The following ANKRD13D variants were observed in gnomAD, a reference collection of about 807,000 sequenced individuals.
ANKRD13D encodes ankyrin repeat domain-containing protein 13D.
ANKRD13D carries 24 observed loss-of-function variants against 68.8 expected under a neutral mutation model. The ratio of observed to expected loss-of-function variants is 0.35; its 90% CI spans 0.25 to 0.49. ANKRD13D has a LOEUF of 0.49. Among genes scored for constraint, ANKRD13D ranks in the 20% least tolerant of loss-of-function variants. ANKRD13D has a pLI of 0.99. For synonymous variants in ANKRD13D, 331 were observed against 336.1 expected (o/e 0.98, Z 0.16); for missense variants, 735 against 832.1 (o/e 0.88, Z 1.44).
Position 67,301,060 on chromosome 11 carries a change from G to A in ANKRD13D, c.1144G>A (p.Asp382Asn), listed in dbSNP as rs377166589. ...GGGTGACCAGGTGACCCCCATCATC[G>A]ACCTAATGGCCATCAGCAACGCTCA... ...SLGDQVTPII[D>N]LMAISNAHFA... The change falls in exon 11 of 15, where the codon GAC becomes AAC. Residue 382 changes from aspartate (D) to asparagine (N), a missense_variant. Physicochemically the swap from Asp to Asn is conservative, Grantham distance 23. Coordinates refer to ENST00000511455, the MANE Select transcript of ANKRD13D (RefSeq NM_207354.3). The surrounding 1 kb of genome is among the most constrained non-coding windows in gnomAD (Gnocchi z 4.5). The A allele has an allele frequency of 2.0e-5, 32 of 1,613,884 alleles. No individual in the cohort carries two copies. The highest frequency in any genetic ancestry group is 1.6e-4 in the South Asian group (15 of 91,088).
intron 3 of ANKRD13D, chr11:67,290,716 G>A: frequency 2.4e-6 from 1 of 423,918 alleles, no homozygotes; most frequent in Non-Finnish European, 4.3e-6. Flanking sequence ...AGGGACTTCA[G>A]GTTGACTCGG....
rs953639883 is a variant in ANKRD13D at position 67,302,474 on chromosome 11, CTG to C, written c.*144_*145del. ...GGAGACTGAGATGGAAATAAAGAGA[CTG>C]TCGCAGCAGGGCTGCTCTGCTCACT... On this transcript the variant is annotated 3_prime_UTR_variant, in exon 15 of 15. Transcript: ENST00000511455. 11 of 1,288,864 alleles carry C rather than the reference CTG, an allele frequency of 8.5e-6. No individual in the cohort carries two copies. In the African/African-American group the frequency reaches 1.2e-4, roughly 14 times the overall value. 79.8% of individuals were successfully genotyped at this position (1,288,864 alleles called of 1,614,324 possible).
Position 67,301,884 on chromosome 11 carries a change from G to C in ANKRD13D, c.1604+61G>C. On this transcript the variant is annotated intron_variant, in intron 14 of 14. Transcript: ENST00000511455. The surrounding 1 kb of genome is among the most constrained non-coding windows in gnomAD (Gnocchi z 4.5). ...CCCCAGCCCTGGCTTGGCGGGGAGG[G>C]GGATAGCAGGAAGGTGCTAGGACCC... 6.6e-7 allele frequency: 1 copy of C among 1,506,638 alleles called. No homozygotes were observed. Among genetic ancestry groups the C allele is most frequent in the South Asian group, 1.3e-5 (1 of 79,420 alleles). 93.3% of individuals were successfully genotyped at this position (1,506,638 alleles called of 1,614,324 possible). A position where few individuals can be genotyped will look rare whatever the true frequency, so the allele number is the denominator to read the frequency against.
At chr11:67,290,882 G>C (rs867399962) in intron 3 of ANKRD13D, 5 of 178,800 alleles carry the variant, frequency 2.8e-5, no homozygotes, top group Middle Eastern at 2.7e-3. Flanking sequence ...GTAGGACTCT[G>C]AGACCCAGTG....
chr11:67,297,485 G>A (rs188070724), intron 6 of ANKRD13D, among the ~76,000 whole-genome samples: 15 of 150,684 alleles, frequency 1.0e-4, no homozygotes, highest in Admixed American at 8.6e-4. Context: ...GTGAGCCACC[G>A]GGCCTGGCCT....
chr11:67,290,236 C>A (rs956024710), intron 2 of ANKRD13D, 23 bp downstream of exon 2: 1 of 1,542,790 alleles, frequency 6.5e-7, no homozygotes, highest in South Asian at 1.2e-5. Flanking sequence ...ACAAGGGGCT[C>A]CCCCTGAGGC....
At position 67,290,077 on chromosome 11, in the gene ANKRD13D, G is replaced by A. The variant is rs1233119865; in HGVS notation, c.91-1G>A. The A allele has an allele frequency of 1.3e-6, 2 of 1,536,836 alleles. No homozygotes were observed. The highest frequency in any genetic ancestry group is 1.7e-6 in the Non-Finnish European group (2 of 1,146,682). Reference sequence around the variant, plus strand: ...CTTTGTGAGTGTCCCGTCTCCCCCAGCACGACATTGAACAGGAGGACCCCC... The same window carrying A: ...CTTTGTGAGTGTCCCGTCTCCCCCAACACGACATTGAACAGGAGGACCCCC... On this transcript the variant is annotated splice_acceptor_variant, in intron 1 of 14. Coordinates refer to ENST00000511455, the MANE Select transcript of ANKRD13D (RefSeq NM_207354.3). LOFTEE classifies it high-confidence loss of function.
chr11:67,292,023 G>T lies in ANKRD13D; in HGVS notation c.574G>T (p.Asp192Tyr). The change falls in exon 6 of 15, where the codon GAC becomes TAC. Residue 192 changes from aspartate to tyrosine, a missense_variant. Asp to Tyr is a radical substitution (Grantham distance 160, BLOSUM62 -3). Coordinates refer to ENST00000511455, the MANE Select transcript of ANKRD13D (RefSeq NM_207354.3). ...AGCCCTGGTGATGGAAGTGGACCAT[G>T]ACCGGCAGGTGGTGCATGTGGAGAC... The part of the protein sequence containing the change: ...AGALVMEVDH[D>Y]RQVVHVETLG... 6.3e-7 allele frequency: 1 copy of T among 1,592,146 alleles called. No individual in the cohort carries two copies. Among genetic ancestry groups the T allele is most frequent in the South Asian group, 1.1e-5 (1 of 90,114 alleles).
At chr11:67,294,464 A>G (rs943380429) in intron 6 of ANKRD13D, among the ~76,000 whole-genome samples, 2 of 151,754 alleles carry the variant, frequency 1.3e-5, no homozygotes, top group African/African-American at 4.8e-5. Flanking sequence ...ATTATTTTAT[A>G]GTTTTCAGAG....
rs1035263659 is a variant in ANKRD13D at position 67,291,712 on chromosome 11, G to T, written c.507G>T (p.Gln169His). 1 of 1,614,094 alleles carries T rather than the reference G, an allele frequency of 6.2e-7. No individual in the cohort carries two copies. Among genetic ancestry groups the T allele is most frequent in the African/African-American group, 1.3e-5 (1 of 75,062 alleles). ...SLLGFEHMTW[Q>H]RGRRSFIFKG... ...TGGGCTTCGAGCACATGACCTGGCA[G>T]CGGGGCCGGAGGAGCTTCATCTTCA... The change falls in exon 5 of 15, where the codon CAG becomes CAT. Residue 169 changes from glutamine (Q) to histidine (H), a missense_variant. Coordinates refer to ENST00000511455, the MANE Select transcript of ANKRD13D (RefSeq NM_207354.3).
At chr11:67,293,344 C>T (rs1245079445) in intron 6 of ANKRD13D, among the ~76,000 whole-genome samples, 1 of 152,132 alleles carries the variant, frequency 6.6e-6, no homozygotes, top group African/African-American at 2.4e-5. Context: ...GGAATCTAGC[C>T]AGCCTAGTGG....
chr11:67,289,764 C>G, intron 1 of ANKRD13D: 1 of 1,418,558 alleles, frequency 7.0e-7, no homozygotes, highest in Non-Finnish European at 9.2e-7. Flanking sequence ...CCCTGCTCGC[C>G]CGAACTCGCT....
Position 67,300,876 on chromosome 11 carries a change from C to T in ANKRD13D, c.1074-114C>T. 1 of 1,337,142 alleles carries T rather than the reference C, an allele frequency of 7.5e-7. No individual in the cohort carries two copies. Among genetic ancestry groups the T allele is most frequent in the Admixed American group, 2.2e-5 (1 of 46,072 alleles). 82.8% of individuals were successfully genotyped at this position (1,337,142 alleles called of 1,614,324 possible). On this transcript the variant is annotated intron_variant, in intron 10 of 14. Transcript: ENST00000511455. The surrounding 1 kb of genome is among the most constrained non-coding windows in gnomAD (Gnocchi z 4.3). ...GCAGCGGCATCTGAGCAGAGCAGGG[C>T]ACTCCAGGCCAGGCAGAAGGTGGGT...
chr11:67,298,966 G>T, intron 6 of ANKRD13D, 92 bp from the exon 7 acceptor site: 3 of 1,403,824 alleles, frequency 2.1e-6, no homozygotes, highest in South Asian at 2.3e-5. Context: ...TGGGCACCCC[G>T]GGCAGGCTGG....
At position 67,289,517 on chromosome 11, in the gene ANKRD13D, T is replaced by A; in HGVS notation, c.57T>A (p.His19Gln). The A allele has an allele frequency of 6.6e-7, 1 of 1,521,798 alleles. No individual in the cohort carries two copies. The highest frequency in any genetic ancestry group is 8.8e-7 in the Non-Finnish European group (1 of 1,142,064). 94.3% of individuals were successfully genotyped at this position (1,521,798 alleles called of 1,614,324 possible). A position where few individuals can be genotyped will look rare whatever the true frequency, so the allele number is the denominator to read the frequency against. Reference sequence around the variant, plus strand: ...ACCGGCTCGTCTGGGCGAACCGGCATCGCGAACTGGAGGCCGCACTGCACA... The same window carrying A: ...ACCGGCTCGTCTGGGCGAACCGGCAACGCGAACTGGAGGCCGCACTGCACA... Reference protein sequence around the residue: ...PLHRLVWANRHRELEAALHSH... With the variant: ...PLHRLVWANRQRELEAALHSH... The change falls in exon 1 of 15, where the codon CAT (histidine) becomes CAA (glutamine). Residue 19 changes from histidine (H) to glutamine (Q), a missense_variant. Transcript: ENST00000511455.
intron 6 of ANKRD13D, among the ~76,000 whole-genome samples, chr11:67,293,505 T>A (rs1359784332): frequency 2.6e-5 from 4 of 152,328 alleles, no homozygotes; most frequent in Middle Eastern, 3.4e-3. Context: ...TTTAACTTAA[T>A]TAACTTATTT....
rs767872052 is a variant in ANKRD13D at position 67,301,024 on chromosome 11, C to G, written c.1108C>G (p.Pro370Ala). 6.2e-7 allele frequency: 1 copy of G among 1,613,914 alleles called. No individual in the cohort carries two copies. Among genetic ancestry groups the G allele is most frequent in the Non-Finnish European group, 8.5e-7 (1 of 1,180,006 alleles). ...KATLWLSEEHPLSLGDQVTPI... is the reference protein window; with the variant it reads ...KATLWLSEEHALSLGDQVTPI... Reference sequence around the variant, plus strand: ...AACACTGTGGCTGAGTGAAGAGCACCCGCTCTCCCTGGGTGACCAGGTGAC... The same window carrying G: ...AACACTGTGGCTGAGTGAAGAGCACGCGCTCTCCCTGGGTGACCAGGTGAC... Residue 370 changes from proline to alanine, a missense_variant, in exon 11 of 15, where the codon CCG (proline) becomes GCG (alanine). Transcript: ENST00000511455. The surrounding 1 kb of genome is among the most constrained non-coding windows in gnomAD (Gnocchi z 4.5).
At chr11:67,290,287 C>T in intron 2 of ANKRD13D, 35 bp from the exon 3 acceptor site, 1 of 1,547,086 alleles carries the variant, frequency 6.5e-7, no homozygotes, top group South Asian at 1.2e-5. Context: ...CTGGGGTCAT[C>T]TGGAGGGCTC....
At position 67,299,932 on chromosome 11, in the gene ANKRD13D, C is replaced by T; in HGVS notation, c.942+44C>T. The T allele has an allele frequency of 1.3e-6, 2 of 1,568,408 alleles. No homozygotes were observed. The highest frequency in any genetic ancestry group is 1.7e-6 in the Non-Finnish European group (2 of 1,154,088). The stretch of plus-strand genomic sequence containing the variant: ...GAGACAGGGCTGGCGGGGGGCCGAG[C>T]CTGGGCGGGAGGGCACCCTCTGTCA... On this transcript the variant is annotated intron_variant, in intron 9 of 14. Transcript: ENST00000511455. The surrounding 1 kb of genome is among the most constrained non-coding windows in gnomAD (Gnocchi z 6.2).
Sources: gnomAD v4.1 joint callset for allele counts (sites outside exome capture counted in the v4.1 genomes callset) on GRCh38, gnomAD v4.1.1 for gene constraint, Gnocchi (gnomAD v3.1) non-coding constraint, MANE v1.5 for transcripts, NCBI Gene and HGNC (gene_info 2026-07-23, HGNC 2026-07-21) for gene names.